The following TTC27 variants were observed in gnomAD, a reference collection of about 807,000 sequenced individuals.
TTC27 encodes tetratricopeptide repeat protein 27.
In TTC27, 79 loss-of-function variants were observed where a neutral mutation model predicts 115.9. The ratio of observed to expected loss-of-function variants is 0.68; its 90% CI spans 0.57 to 0.82. The LOEUF is 0.82. TTC27 is among the 40% of genes least tolerant of loss of function. The pLI, the probability that TTC27 is intolerant of heterozygous loss-of-function variation, is 0.00. For synonymous variants in TTC27, 401 were observed against 356.0 expected (o/e 1.13, Z -1.42); for missense variants, 1,054 against 993.1 (o/e 1.06, Z -0.82).
intron 16 of TTC27, among the ~76,000 whole-genome samples, chr2:32,802,972 C>T (rs1490772519): frequency 6.6e-6 from 1 of 152,088 alleles, no homozygotes; most frequent in African/African-American, 2.4e-5. Context: ...TAATTTTTTT[C>T]CTGTTGGCTC....
intron 10 of TTC27, among the ~76,000 whole-genome samples, chr2:32,703,553 G>A (rs1667264569): frequency 6.6e-6 from 1 of 152,168 alleles, no homozygotes; most frequent in African/African-American, 2.4e-5. Context: ...AAGATATGCA[G>A]CCCCATAGGT....
At chr2:32,804,750 T>C (rs1671073349) in intron 16 of TTC27, among the ~76,000 whole-genome samples, 1 of 152,002 alleles carries the variant, frequency 6.6e-6, no homozygotes, top group African/African-American at 2.4e-5. Flanking sequence ...GATAAAACAG[T>C]TTATATAGTA....
chr2:32,736,760 C>G lies in TTC27; in HGVS notation c.1396C>G (p.Leu466Val), dbSNP rs1332688009. 2 of 1,613,990 alleles carry G rather than the reference C, an allele frequency of 1.2e-6. No individual in the cohort carries two copies. Among genetic ancestry groups the G allele is most frequent in the Non-Finnish European group, 8.5e-7 (1 of 1,179,944 alleles). The stretch of plus-strand genomic sequence containing the variant: ...TTCAGCCCTTCAGATATTTGAAAAG[C>G]TAGAAATGTGGGAAGATGTTGTCAT... ...TSSALQIFEK[L>V]EMWEDVVICY... The change falls in exon 12 of 20, where the codon CTA (leucine) becomes GTA (valine). Residue 466 changes from leucine to valine, a missense_variant. Transcript: ENST00000317907.
At chr2:32,633,210 G>T (rs923476471) in intron 2 of TTC27, among the ~76,000 whole-genome samples, 1 of 152,136 alleles carries the variant, frequency 6.6e-6, no homozygotes, top group African/African-American at 2.4e-5. Flanking sequence ...AATCAACACC[G>T]TTCAAGATAA....
intron 12 of TTC27, among the ~76,000 whole-genome samples, chr2:32,745,718 A>C (rs1222350350): frequency 6.6e-6 from 1 of 152,220 alleles, no homozygotes; most frequent in African/African-American, 2.4e-5. Context: ...TTCATCTTAA[A>C]AAATCTAGAC....
chr2:32,675,833 C>T (rs1243499459), intron 8 of TTC27, among the ~76,000 whole-genome samples: 2 of 151,748 alleles, frequency 1.3e-5, no homozygotes, highest in East Asian at 1.9e-4. Context: ...CTCTTGTTGG[C>T]CAGGCTAGAG....
Position 32,649,786 on chromosome 2 carries a change from T to A in TTC27, c.538-345T>A, listed in dbSNP as rs112523275. Among the ~76,000 whole-genome samples the A allele has an allele frequency of 5.0e-3, 760 of 152,180 alleles. 2 individuals carry two copies. Among genetic ancestry groups the A allele is most frequent in the African/African-American group, 0.017 (702 of 41,526 alleles). On this transcript the variant is annotated intron_variant, in intron 4 of 19. Coordinates refer to ENST00000317907, the MANE Select transcript of TTC27 (RefSeq NM_017735.5). The stretch of plus-strand genomic sequence containing the variant: ...GTCTTGAACTCCTGACCTTGTGATC[T>A]GCCCGCCTCGGCCTCCCAAAGTGTT...
chr2:32,644,324 CGAG>C (rs1664767618), intron 4 of TTC27, among the ~76,000 whole-genome samples: 2 of 150,172 alleles, frequency 1.3e-5, no homozygotes, highest in African/African-American at 4.9e-5. Flanking sequence ...GCACTCCAGC[CGAG>C]GCGACAGAGT....
chr2:32,635,873 T>C (rs1261219370), intron 3 of TTC27, among the ~76,000 whole-genome samples: 2 of 152,108 alleles, frequency 1.3e-5, no homozygotes, highest in East Asian at 3.9e-4. Flanking sequence ...TTCATTAGAG[T>C]AATTTTAATC....
chr2:32,790,539 A>AT (rs1670502039), intron 16 of TTC27, among the ~76,000 whole-genome samples: 2 of 152,194 alleles, frequency 1.3e-5, no homozygotes, highest in African/African-American at 2.4e-5. Flanking sequence ...AGGCTGATTA[A>AT]CATACCCACC....
intron 12 of TTC27, among the ~76,000 whole-genome samples, chr2:32,752,485 A>C (rs1669053508): frequency 6.6e-6 from 1 of 152,200 alleles, no homozygotes; most frequent in Non-Finnish European, 1.5e-5. Flanking sequence ...CAGCTGCTTG[A>C]GTTAGCACTG....
At chr2:32,696,587 C>G (rs889894277) in intron 9 of TTC27, among the ~76,000 whole-genome samples, 1 of 152,136 alleles carries the variant, frequency 6.6e-6, no homozygotes, top group Non-Finnish European at 1.5e-5. Flanking sequence ...AGCCACCACG[C>G]CCAGCCTATA....
intron 13 of TTC27, among the ~76,000 whole-genome samples, chr2:32,765,574 T>A (rs1009233236): frequency 6.6e-6 from 1 of 152,202 alleles, no homozygotes; most frequent in Non-Finnish European, 1.5e-5. Flanking sequence ...TAGCCCCTAA[T>A]AGGAGAGTCA....
At chr2:32,629,319 C>T (rs1415623076) in intron 1 of TTC27, among the ~76,000 whole-genome samples, 1 of 151,820 alleles carries the variant, frequency 6.6e-6, no homozygotes, top group African/African-American at 2.4e-5. Flanking sequence ...CGGCTTTCAT[C>T]ATGTTGGTCA....
intron 13 of TTC27, among the ~76,000 whole-genome samples, chr2:32,765,660 G>A (rs1669602859): frequency 1.3e-5 from 2 of 152,158 alleles, no homozygotes; most frequent in Admixed American, 1.3e-4. Context: ...CTAAAAGAAG[G>A]TTGTTTTGTC....
At chr2:32,740,800 G>A (rs887951343) in intron 12 of TTC27, among the ~76,000 whole-genome samples, 4 of 151,956 alleles carry the variant, frequency 2.6e-5, no homozygotes, top group South Asian at 2.1e-4. Context: ...GATTACAGGC[G>A]TGCAGCACCT....
At chr2:32,718,187 T>C (rs1667813439) in intron 10 of TTC27, among the ~76,000 whole-genome samples, 1 of 152,196 alleles carries the variant, frequency 6.6e-6, no homozygotes, top group Admixed American at 6.5e-5. Flanking sequence ...TCTTCATTCT[T>C]TAAAAGACTT....
intron 10 of TTC27, among the ~76,000 whole-genome samples, chr2:32,703,522 C>T (rs778598631): frequency 4.6e-5 from 7 of 152,018 alleles, no homozygotes; most frequent in Non-Finnish European, 8.8e-5. Flanking sequence ...TTAAAAGAGA[C>T]AATAGAAGAA....
At chr2:32,774,424 C>T (rs1195902623) in intron 13 of TTC27, among the ~76,000 whole-genome samples, 10 of 152,152 alleles carry the variant, frequency 6.6e-5, no homozygotes, top group Non-Finnish European at 1.5e-4. Context: ...ATCTGCCCAC[C>T]TCAGCCTCCC....
Sources: allele counts gnomAD v4.1 joint callset (sites outside exome capture counted in the v4.1 genomes callset), GRCh38; gene constraint gnomAD v4.1.1; transcripts MANE v1.5; gene names NCBI Gene and HGNC (gene_info 2026-07-23, HGNC 2026-07-21).